RAB10: variants seen among roughly 807,000 people sequenced by gnomAD.
The protein encoded by RAB10 is ras-related protein Rab-10.
RAB10 carries 5 observed loss-of-function variants against 25.7 expected under a neutral mutation model. The ratio of observed to expected loss-of-function variants is 0.19; its 90% CI spans 0.10 to 0.41. The LOEUF is 0.41. Among genes scored for constraint, RAB10 ranks in the 10% least tolerant of loss-of-function variants. The probability of loss-of-function intolerance (pLI) is 1.00; values close to 1 mark genes in which losing one functional copy is unlikely to be tolerated. For missense variants in RAB10, 103 were observed against 245.8 expected (o/e 0.42, Z 3.89); for synonymous variants, 89 against 86.4 (o/e 1.03, Z -0.16).
chr2:26,098,645 T>A lies in RAB10; in HGVS notation c.128-17T>A. The A allele has an allele frequency of 6.4e-7, 1 of 1,557,504 alleles. No individual in the cohort carries two copies. The highest frequency in any genetic ancestry group is 8.8e-7 in the Non-Finnish European group (1 of 1,133,970). On this transcript the variant is annotated splice_polypyrimidine_tract_variant and intron_variant, in intron 1 of 5. Transcript: ENST00000264710. ...GTAAAGCCACAGTTACAGTTTACCT[T>A]TTTTTCTGCATTGTAGGAATAGACT...
At chr2:26,127,077 C>A in intron 3 of RAB10, 67 bp from the exon 4 acceptor site, 1 of 1,201,864 alleles carries the variant, frequency 8.3e-7, no homozygotes, top group Non-Finnish European at 1.2e-6. Flanking sequence ...AGAATAAAGT[C>A]ACTTTTAAAG....
At chr2:26,132,761 A>C (rs867462199) in intron 5 of RAB10, among the ~76,000 whole-genome samples, 6 of 128,216 alleles carry the variant, frequency 4.7e-5, no homozygotes, top group African/African-American at 8.8e-5. Context: ...CGCAAGAGAT[A>C]CCCCCCCCCC....
intron 3 of RAB10, among the ~76,000 whole-genome samples, chr2:26,121,553 CACAG>C (rs1329401205): frequency 1.3e-5 from 2 of 152,104 alleles, no homozygotes; most frequent in African/African-American, 4.8e-5. Context: ...TTGAAAAACT[CACAG>C]ACAAGCCACA....
chr2:26,100,640 T>G (rs1667321877), intron 2 of RAB10, among the ~76,000 whole-genome samples: 1 of 152,214 alleles, frequency 6.6e-6, no homozygotes, highest in Admixed American at 6.5e-5. Flanking sequence ...CATATCAATC[T>G]GCTCTGCAAG....
intron 3 of RAB10, among the ~76,000 whole-genome samples, chr2:26,115,641 T>G (rs72858255): frequency 1.8e-3 from 278 of 152,216 alleles, no homozygotes; most frequent in African/African-American, 6.5e-3. Flanking sequence ...GATAAAAATA[T>G]TATAAAGTTA....
intron 3 of RAB10, among the ~76,000 whole-genome samples, chr2:26,118,113 C>T (rs1308209736): frequency 2.6e-5 from 4 of 151,936 alleles, no homozygotes; most frequent in African/African-American, 9.7e-5. Flanking sequence ...GCTGGGATTA[C>T]AGGCGTGTGC....
At position 26,136,665 on chromosome 2, in the gene RAB10, A is replaced by C. The variant is rs577456140; in HGVS notation, c.*1644A>C. 2.6e-5 allele frequency: 4 copies of C among 152,786 alleles called. No individual in the cohort carries two copies. The highest frequency in any genetic ancestry group is 9.6e-5 in the African/African-American group (4 of 41,592). The allele number at this position is 152,786 out of a possible 1,614,324, so 9.5% of individuals were successfully genotyped here. A position where few individuals can be genotyped will look rare whatever the true frequency, so the allele number is the denominator to read the frequency against. On this transcript the variant is annotated 3_prime_UTR_variant, in exon 6 of 6. Coordinates refer to ENST00000264710, the MANE Select transcript of RAB10 (RefSeq NM_016131.5). ...TTCATTTCTAGCAGAGGCTGAGTTT[A>C]GGACAGCAGCTTCCATTGAGAAGTC...
At chr2:26,100,321 C>CCA (rs1667316469) in intron 2 of RAB10, among the ~76,000 whole-genome samples, 1 of 152,194 alleles carries the variant, frequency 6.6e-6, no homozygotes, top group African/African-American at 2.4e-5. Flanking sequence ...AAACTACTCT[C>CCA]TTATCCTCTG....
rs372487817 is a variant in RAB10, at chr2:26,079,629, T to C, written c.128-19033T>C. Among the ~76,000 whole-genome samples, 31 of 145,326 alleles carry C rather than the reference T, an allele frequency of 2.1e-4. No individual in the cohort carries two copies. In the East Asian group the frequency reaches 2.2e-3, roughly 10 times the overall value. On this transcript the variant is annotated intron_variant, in intron 1 of 5. Transcript: ENST00000264710. ...ATCTTGGACTATAAATACAATTCTT[T>C]CCTCCATCCCTCCTCCCTTTTCTCC...
At chr2:26,080,983 C>T (rs1370030013) in intron 1 of RAB10, among the ~76,000 whole-genome samples, 1 of 152,086 alleles carries the variant, frequency 6.6e-6, no homozygotes, top group Non-Finnish European at 1.5e-5. Flanking sequence ...ATTGTAATTC[C>T]CACAGTCCCA....
At chr2:26,033,999 G>C (rs993866503), upstream of RAB10, 123 of 398,264 alleles carry the variant, frequency 3.1e-4, no homozygotes, top group African/African-American at 2.4e-3. Flanking sequence ...ACTTCGGCGC[G>C]CCCCCATGCC....
intron 2 of RAB10, chr2:26,101,255 G>A (rs1245578871): frequency 6.6e-6 from 1 of 152,134 alleles, no homozygotes; most frequent in Admixed American, 6.5e-5. Flanking sequence ...TGTTGCCCAG[G>A]CTGGACCCTC....
intron 1 of RAB10, among the ~76,000 whole-genome samples, chr2:26,059,874 A>T (rs148645971): frequency 1.3e-4 from 20 of 152,330 alleles, no homozygotes; most frequent in Non-Finnish European, 4.4e-5. Flanking sequence ...TACACTTAAA[A>T]ATTGTTAGTG....
chr2:26,062,398 C>G (rs935473587), intron 1 of RAB10, among the ~76,000 whole-genome samples: 6 of 152,158 alleles, frequency 3.9e-5, no homozygotes, highest in African/African-American at 1.4e-4. Context: ...AAAAGTGCTG[C>G]TGGGCATGGT....
At chr2:26,055,527 A>G (rs559315061) in intron 1 of RAB10, among the ~76,000 whole-genome samples, 8 of 151,944 alleles carry the variant, frequency 5.3e-5, no homozygotes, top group African/African-American at 1.9e-4. Context: ...AGCTGGGACT[A>G]CAGGTGCACA....
intron 1 of RAB10, among the ~76,000 whole-genome samples, chr2:26,097,934 CCCTCT>C (rs1394167770): frequency 1.3e-5 from 2 of 152,016 alleles, no homozygotes; most frequent in African/African-American, 4.8e-5. Context: ...TATGAAATGA[CCCTCT>C]ATCCTTGGTA....
intron 1 of RAB10, among the ~76,000 whole-genome samples, chr2:26,051,460 A>G (rs984118036): frequency 6.9e-6 from 1 of 145,278 alleles, no homozygotes; most frequent in Non-Finnish European, 1.5e-5. Flanking sequence ...AGAATGAGTC[A>G]TTAAAGGCCA....
At chr2:26,063,115 C>A (rs1225039311) in intron 1 of RAB10, among the ~76,000 whole-genome samples, 38 of 141,550 alleles carry the variant, frequency 2.7e-4, no homozygotes, top group Middle Eastern at 3.8e-3. Context: ...AACTCCATCT[C>A]AAAAAAAAAA....
intron 2 of RAB10, among the ~76,000 whole-genome samples, chr2:26,108,876 T>TTGC (rs1667516261): frequency 9.3e-6 from 1 of 107,588 alleles, no homozygotes; most frequent in Non-Finnish European, 1.9e-5. Flanking sequence ...GGTCTTTTGC[T>TTGC]TTATATTTAT....
Sources: allele counts gnomAD v4.1 joint callset (sites outside exome capture counted in the v4.1 genomes callset), GRCh38; gene constraint gnomAD v4.1.1; transcripts MANE v1.5; gene names NCBI Gene and HGNC (gene_info 2026-07-23, HGNC 2026-07-21).